Variants in MYO1D observed in about 807,000 individuals in gnomAD.
The protein encoded by MYO1D is unconventional myosin-Id.
In MYO1D, 83 loss-of-function variants were observed where a neutral mutation model predicts 122.0. The observed-to-expected ratio is 0.68, with a 90% CI of 0.57 to 0.82. The LOEUF (loss-of-function observed/expected upper bound fraction) is 0.82, where lower values mean the gene tolerates loss of function less well. Ranked by LOEUF, MYO1D falls within the 40% of genes least tolerant of loss-of-function variation. MYO1D has a pLI of 0.00. For missense variants in MYO1D, 1,157 were observed against 1,269.5 expected, an observed-to-expected ratio of 0.91 and a Z score of 1.35; for synonymous variants, 464 against 446.9, an observed-to-expected ratio of 1.04 and a Z score of -0.48.
intron 21 of MYO1D, chr17:32,518,565 C>G (rs920816804): frequency 6.6e-6 from 1 of 152,246 alleles, no homozygotes. Flanking sequence ...CCTTCCACCC[C>G]TATCACCTGG....
intron 20 of MYO1D, among the ~76,000 whole-genome samples, chr17:32,617,758 T>C (rs545541806): frequency 6.6e-6 from 1 of 152,202 alleles, no homozygotes. Flanking sequence ...TCTGAATCAC[T>C]GACCCAAGAA....
At position 32,721,096 on chromosome 17, in the gene MYO1D, C is replaced by T. The variant is rs760193103; in HGVS notation, c.1840G>A (p.Gly614Arg). The T allele has an allele frequency of 3.0e-5, 49 of 1,613,908 alleles. No homozygotes were observed. Among genetic ancestry groups the T allele is most frequent in the Non-Finnish European group, 4.2e-5 (49 of 1,180,000 alleles). Residue 614 changes from glycine to arginine, a missense_variant, in exon 15 of 22, where the codon GGA (glycine) becomes AGA (arginine). Physicochemically the swap from Gly to Arg is moderately radical, Grantham distance 125 (BLOSUM62 -2). Coordinates refer to ENST00000318217, the MANE Select transcript of MYO1D (RefSeq NM_015194.3). ...ERCRHQVEYL[G>R]LLENVRVRRA... ...CGCACTCTCACATTTTCCAGTAGTC[C>T]AAGATATTCTACTTGGTGCCGGCAG...
chr17:32,747,108 C>T (rs1257955288), intron 12 of MYO1D, among the ~76,000 whole-genome samples: 2 of 152,090 alleles, frequency 1.3e-5, no homozygotes, highest in African/African-American at 4.8e-5. Context: ...CATTCCATCA[C>T]TAATGGTTAG....
chr17:32,852,845 T>C (rs976945518), intron 1 of MYO1D, among the ~76,000 whole-genome samples: 8 of 152,202 alleles, frequency 5.3e-5, no homozygotes, highest in Admixed American at 1.3e-4. Context: ...AAAGATGGTA[T>C]TTACCTTCAC....
Position 32,755,605 on chromosome 17 carries a change from T to C in MYO1D, c.1354A>G (p.Ile452Val). ...CAAGCATCATCAAGGATTGCAATGATCCCTTTGTGCTGTTGCTCCACGAGG... is the reference window on the plus strand; with the variant it reads ...CAAGCATCATCAAGGATTGCAATGACCCCTTTGTGCTGTTGCTCCACGAGG... ...VDLVEQQHKG[I>V]IAILDDACMN... is the part of the protein sequence containing the mutation. The change falls in exon 11 of 22, where the codon ATC becomes GTC. Residue 452 changes from isoleucine to valine, a missense_variant. Physicochemically the swap from Ile to Val is conservative, Grantham distance 29. Coordinates refer to ENST00000318217, the MANE Select transcript of MYO1D (RefSeq NM_015194.3). 6.2e-7 allele frequency: 1 copy of C among 1,613,926 alleles called. No homozygotes were observed. Among genetic ancestry groups the C allele is most frequent in the Non-Finnish European group, 8.5e-7 (1 of 1,179,826 alleles).
intron 16 of MYO1D, among the ~76,000 whole-genome samples, chr17:32,664,350 C>A (rs1475681059): frequency 6.6e-6 from 1 of 152,142 alleles, no homozygotes; most frequent in Non-Finnish European, 1.5e-5. Context: ...GCAGCTTAAA[C>A]TGTTGAGTTT....
chr17:32,636,577 C>A (rs990550439), intron 20 of MYO1D, among the ~76,000 whole-genome samples: 1 of 152,082 alleles, frequency 6.6e-6, no homozygotes. Flanking sequence ...AGAAGCAGAC[C>A]CTGAGATAAA....
chr17:32,581,504 C>G (rs746920966), intron 21 of MYO1D, among the ~76,000 whole-genome samples: 1 of 151,100 alleles, frequency 6.6e-6, no homozygotes. Flanking sequence ...CCTCCCTTCC[C>G]TTTTCCTTTT....
intron 8 of MYO1D, among the ~76,000 whole-genome samples, chr17:32,763,059 G>A (rs1193924476): frequency 2.7e-5 from 4 of 150,256 alleles, no homozygotes; most frequent in East Asian, 2.0e-4. Context: ...GGTGGCGGTC[G>A]CCTGTAGTTC....
At chr17:32,798,750 T>C (rs984071965) in intron 1 of MYO1D, among the ~76,000 whole-genome samples, 1 of 152,192 alleles carries the variant, frequency 6.6e-6, no homozygotes, top group African/African-American at 2.4e-5. Context: ...CTAAAGTAGG[T>C]GAAAGACATC....
intron 15 of MYO1D, among the ~76,000 whole-genome samples, chr17:32,713,150 A>G (rs533246664): frequency 4.3e-4 from 66 of 152,184 alleles, no homozygotes; most frequent in African/African-American, 1.5e-3. Flanking sequence ...TAATGCATTT[A>G]TGTTTTCTTC....
chr17:32,795,727 A>C (rs954357067), intron 1 of MYO1D, among the ~76,000 whole-genome samples: 3 of 152,236 alleles, frequency 2.0e-5, no homozygotes, highest in Non-Finnish European at 4.4e-5. Flanking sequence ...AACTTGCGCC[A>C]GCAAGACAGC....
chr17:32,742,770 C>A (rs533046552), intron 13 of MYO1D, among the ~76,000 whole-genome samples: 258 of 152,286 alleles, frequency 1.7e-3, no homozygotes, highest in Non-Finnish European at 2.4e-3. Flanking sequence ...ATGATAGTGC[C>A]ATCATTAATC....
At chr17:32,714,116 T>C (rs1249629945) in intron 15 of MYO1D, among the ~76,000 whole-genome samples, 1 of 152,036 alleles carries the variant, frequency 6.6e-6, no homozygotes, top group Non-Finnish European at 1.5e-5. Flanking sequence ...GCAGGTTTGT[T>C]ACATAGGCAA....
At chr17:32,765,876 C>T (rs1567631131) in intron 7 of MYO1D, among the ~76,000 whole-genome samples, 1 of 151,814 alleles carries the variant, frequency 6.6e-6, no homozygotes, top group South Asian at 2.1e-4. Flanking sequence ...AACAGTCTAG[C>T]TTTTTCTGAT....
intron 7 of MYO1D, among the ~76,000 whole-genome samples, chr17:32,765,454 T>TTTTA (rs1036249674): frequency 9.9e-5 from 15 of 152,046 alleles, no homozygotes; most frequent in African/African-American, 3.6e-4. Context: ...AAACTTTTTA[T>TTTTA]TTTATTTATT....
chr17:32,556,914 ATGTT>A (rs758815181), intron 21 of MYO1D, among the ~76,000 whole-genome samples: 71 of 152,256 alleles, frequency 4.7e-4, no homozygotes, highest in Non-Finnish European at 8.8e-4. Context: ...AAACTTGATG[ATGTT>A]TGTTTCCTTT....
intron 19 of MYO1D, among the ~76,000 whole-genome samples, chr17:32,646,859 C>T (rs2640833): frequency 0.4 from 61,339 of 151,940 alleles, 13,203 homozygotes; most frequent in East Asian, 0.53. Context: ...CATAATTTAG[C>T]TATATTAAAA....
chr17:32,741,224 TAAAAA>T lies in MYO1D; in HGVS notation c.1614-2844_1614-2840del, dbSNP rs58505921. 4.0e-5 allele frequency among the ~76,000 whole-genome samples: 4 copies of T among 100,312 alleles called. No homozygotes were observed. In the South Asian group the frequency reaches 1.2e-3, roughly 30 times the overall value. 65.8% of individuals were successfully genotyped at this position (100,312 alleles called of 152,430 possible). A position where few individuals can be genotyped will look rare whatever the true frequency, so the allele number is the denominator to read the frequency against. On this transcript the variant is annotated intron_variant, in intron 13 of 21. Coordinates refer to ENST00000318217, the MANE Select transcript of MYO1D (RefSeq NM_015194.3). The stretch of plus-strand genomic sequence containing the variant: ...GGCTGGGCGACTGGGATACCACTTC[TAAAAA>T]AAAAAAAAAAAAGAAAAGAAAAATC...
Sources: gnomAD v4.1 joint callset for allele counts (sites outside exome capture counted in the v4.1 genomes callset) on GRCh38, gnomAD v4.1.1 for gene constraint, MANE v1.5 for transcripts, NCBI Gene and HGNC (gene_info 2026-07-23, HGNC 2026-07-21) for gene names.